The following ZNF385D variants were observed in gnomAD, a reference collection of about 807,000 sequenced individuals.
The protein encoded by ZNF385D is zinc finger protein 385D, also known as zinc finger protein 659.
Under a neutral mutation model 35.8 loss-of-function variants are expected in ZNF385D, and 15 were observed. The ratio of observed to expected loss-of-function variants is 0.42; its 90% CI spans 0.28 to 0.64. ZNF385D has a LOEUF of 0.64. Among genes scored for constraint, ZNF385D ranks in the 30% least tolerant of loss-of-function variants. The pLI is 0.23. For synonymous variants in ZNF385D, 212 were observed against 186.8 expected (o/e 1.13, Z -1.10); for missense variants, 474 against 494.6 (o/e 0.96, Z 0.39).
At chr3:21,970,354 TA>T (rs963955838) in intron 3 of ZNF385D, among the ~76,000 whole-genome samples, 1 of 151,962 alleles carries the variant, frequency 6.6e-6, no homozygotes, top group Admixed American at 6.6e-5. Flanking sequence ...TAGATAAACT[TA>T]AAAAATAGAT....
At chr3:21,876,630 CT>C (rs1375135551) in intron 3 of ZNF385D, among the ~76,000 whole-genome samples, 1 of 151,702 alleles carries the variant, frequency 6.6e-6, no homozygotes, top group Non-Finnish European at 1.5e-5. Context: ...AACAGAACAG[CT>C]TTTCCATAAT....
intron 3 of ZNF385D, among the ~76,000 whole-genome samples, chr3:22,084,167 G>C (rs1254224019): frequency 1.3e-5 from 2 of 152,184 alleles, no homozygotes; most frequent in Non-Finnish European, 2.9e-5. Context: ...GGAAGAAATT[G>C]CATCAACTAA....
chr3:21,902,214 T>C (rs1204714363), intron 3 of ZNF385D, among the ~76,000 whole-genome samples: 2 of 152,200 alleles, frequency 1.3e-5, no homozygotes, highest in Admixed American at 6.6e-5. Context: ...ACAATTCTTT[T>C]GTAATGCTCT....
intron 3 of ZNF385D, among the ~76,000 whole-genome samples, chr3:22,087,993 C>A (rs59936462): frequency 0.015 from 2,233 of 152,192 alleles, 70 homozygotes; most frequent in African/African-American, 0.051. Flanking sequence ...CAGAAATGTA[C>A]AGAGAAAGAA....
At chr3:22,353,451 C>A (rs1199023322) in intron 2 of ZNF385D, among the ~76,000 whole-genome samples, 1 of 152,096 alleles carries the variant, frequency 6.6e-6, no homozygotes, top group Non-Finnish European at 1.5e-5. Context: ...TATTTGGTAG[C>A]CCTCCAAGTA....
At chr3:21,675,643 G>A (rs1559509398) in intron 1 of ZNF385D, among the ~76,000 whole-genome samples, 1 of 152,040 alleles carries the variant, frequency 6.6e-6, no homozygotes, top group Non-Finnish European at 1.5e-5. Flanking sequence ...CTTTGCCAGA[G>A]CAAGTCAAAT....
At chr3:21,928,120 A>T (rs1181421421) in intron 3 of ZNF385D, among the ~76,000 whole-genome samples, 1 of 152,006 alleles carries the variant, frequency 6.6e-6, no homozygotes, top group Non-Finnish European at 1.5e-5. Flanking sequence ...GCTAGTGGGG[A>T]AGCTAAGATG....
chr3:21,921,315 T>G (rs1291352012), intron 3 of ZNF385D, among the ~76,000 whole-genome samples: 1 of 151,900 alleles, frequency 6.6e-6, no homozygotes, highest in Non-Finnish European at 1.5e-5. Flanking sequence ...CACGTAACAC[T>G]TGGAGTATGT....
At chr3:21,480,028 A>C (rs1385562041) in intron 4 of ZNF385D, among the ~76,000 whole-genome samples, 1 of 152,132 alleles carries the variant, frequency 6.6e-6, no homozygotes, top group Non-Finnish European at 1.5e-5. Flanking sequence ...CCCATATTAA[A>C]ACAGTCATAT....
At chr3:21,583,841 C>CATTTGAATCAGGATCTCAAA (rs2125711698) in intron 2 of ZNF385D, among the ~76,000 whole-genome samples, 1 of 150,990 alleles carries the variant, frequency 6.6e-6, no homozygotes, top group African/African-American at 2.4e-5. Flanking sequence ...TGGTTCCCTT[C>CATTTGAATCAGGATCTCAAA]ATTTGAATCA....
At chr3:22,352,123 G>A (rs1447528865) in intron 2 of ZNF385D, among the ~76,000 whole-genome samples, 1 of 152,146 alleles carries the variant, frequency 6.6e-6, no homozygotes, top group South Asian at 2.1e-4. Context: ...CTTCCACCCT[G>A]CAAGACTAAG....
chr3:21,583,636 A>G (rs1393779351), intron 2 of ZNF385D, among the ~76,000 whole-genome samples: 4 of 152,056 alleles, frequency 2.6e-5, no homozygotes, highest in African/African-American at 9.7e-5. Context: ...TTTAATATGT[A>G]TATTCTGTCA....
Position 21,485,574 on chromosome 3 carries a change from T to C in ZNF385D, c.439+25287A>G, listed in dbSNP as rs185171844. On this transcript the variant is annotated intron_variant, in intron 4 of 7. Transcript: ENST00000281523. ...TTCCTCTATGTTTTTTTAATATAGA[T>C]AACATCTCTTTGATTCCTCCTTTCA... Among the ~76,000 whole-genome samples, 492 of 152,248 alleles carry C rather than the reference T, an allele frequency of 3.2e-3. 1 individual carries two copies. Among genetic ancestry groups the C allele is most frequent in the Non-Finnish European group, 5.7e-3 (387 of 68,018 alleles).
intron 3 of ZNF385D, among the ~76,000 whole-genome samples, chr3:21,889,118 C>A (rs1021671006): frequency 6.6e-5 from 10 of 152,166 alleles, no homozygotes; most frequent in South Asian, 2.1e-4. Flanking sequence ...AGAGGGCAAA[C>A]AACTGACACT....
intron 3 of ZNF385D, among the ~76,000 whole-genome samples, chr3:21,528,616 A>T (rs1312812053): frequency 1.3e-5 from 2 of 152,200 alleles, no homozygotes; most frequent in African/African-American, 4.8e-5. Context: ...GATCAAATGG[A>T]TCATAACATT....
At chr3:21,660,312 C>T (rs2066199618) in intron 2 of ZNF385D, among the ~76,000 whole-genome samples, 1 of 152,114 alleles carries the variant, frequency 6.6e-6, no homozygotes, top group South Asian at 2.1e-4. Flanking sequence ...TTTTCTGCCT[C>T]TCTACTTCCT....
intron 2 of ZNF385D, among the ~76,000 whole-genome samples, chr3:21,622,073 C>G (rs915420750): frequency 6.6e-6 from 1 of 152,038 alleles, no homozygotes; most frequent in Non-Finnish European, 1.5e-5. Flanking sequence ...GGTGCAATTT[C>G]TTTTACAGGA....
chr3:22,287,427 C>T (rs1410055439), intron 2 of ZNF385D, among the ~76,000 whole-genome samples: 1 of 151,862 alleles, frequency 6.6e-6, no homozygotes, highest in Non-Finnish European at 1.5e-5. Context: ...ACTTGTTTGA[C>T]ATATCTTTGG....
At chr3:22,136,942 A>C (rs1026686258) in intron 3 of ZNF385D, among the ~76,000 whole-genome samples, 1 of 152,186 alleles carries the variant, frequency 6.6e-6, no homozygotes, top group African/African-American at 2.4e-5. Context: ...AGGGATGATT[A>C]GATAGAGCAC....
Sources: allele counts gnomAD v4.1 joint callset (sites outside exome capture counted in the v4.1 genomes callset), GRCh38; gene constraint gnomAD v4.1.1; transcripts MANE v1.5; gene names NCBI Gene and HGNC (gene_info 2026-07-23, HGNC 2026-07-21).